The following AP3B1 variants were observed in gnomAD, a reference collection of about 807,000 sequenced individuals.
AP3B1 encodes the protein adaptor related protein complex 3 subunit beta 1, also known as AP-3 complex subunit beta-1.
In AP3B1, 61 loss-of-function variants were observed where a neutral mutation model predicts 132.5. That is an observed-to-expected ratio of 0.46 (90% confidence interval 0.37 to 0.57). The LOEUF (loss-of-function observed/expected upper bound fraction) is 0.57, where lower values mean the gene tolerates loss of function less well. AP3B1 is among the 20% of genes least tolerant of loss of function. The probability of loss-of-function intolerance (pLI) is 0.00; values close to 1 mark genes in which losing one functional copy is unlikely to be tolerated. For missense variants in AP3B1, 1,120 were observed against 1,289.4 expected (o/e 0.87, Z 2.01); for synonymous variants, 388 against 438.3 (o/e 0.89, Z 1.43).
chr5:78,058,239 C>T (rs1340024921), intron 22 of AP3B1, among the ~76,000 whole-genome samples: 2 of 152,140 alleles, frequency 1.3e-5, no homozygotes, highest in Admixed American at 6.5e-5. Flanking sequence ...CAGTGGCTCA[C>T]GCCTGTAATC....
At chr5:78,102,709 G>A (rs948320333) in intron 20 of AP3B1, among the ~76,000 whole-genome samples, 1 of 152,072 alleles carries the variant, frequency 6.6e-6, no homozygotes, top group South Asian at 2.1e-4. Flanking sequence ...AGCACAATGG[G>A]TGTAGCTTCC....
At chr5:78,061,634 C>T (rs913367722) in intron 22 of AP3B1, among the ~76,000 whole-genome samples, 1 of 152,172 alleles carries the variant, frequency 6.6e-6, no homozygotes, top group East Asian at 1.9e-4. Flanking sequence ...TAATTTCAAA[C>T]TCATATTTAG....
At chr5:78,123,908 T>C (rs1372843329) in intron 17 of AP3B1, among the ~76,000 whole-genome samples, 2 of 152,214 alleles carry the variant, frequency 1.3e-5, no homozygotes, top group Non-Finnish European at 1.5e-5. Flanking sequence ...TGTATGTTTA[T>C]TGCGGCACTA....
At chr5:78,193,791 T>C (rs1184310961) in intron 7 of AP3B1, among the ~76,000 whole-genome samples, 20 of 143,644 alleles carry the variant, frequency 1.4e-4, no homozygotes, top group African/African-American at 4.7e-4. Context: ...AGACAGAGTC[T>C]CGCTCTGTCA....
chr5:78,081,073 G>A (rs1047007670), intron 22 of AP3B1, among the ~76,000 whole-genome samples: 2 of 152,112 alleles, frequency 1.3e-5, no homozygotes, highest in Non-Finnish European at 2.9e-5. Context: ...GGGTACTCTT[G>A]AGTTATTATT....
At chr5:78,008,009 C>T (rs145589408) in intron 26 of AP3B1, among the ~76,000 whole-genome samples, 197 of 152,262 alleles carry the variant, frequency 1.3e-3, no homozygotes, top group East Asian at 7.1e-3. Flanking sequence ...CTCTCTAGTT[C>T]CTACTCTAAT....
intron 17 of AP3B1, among the ~76,000 whole-genome samples, chr5:78,117,578 G>A (rs1751912628): frequency 6.6e-6 from 1 of 152,076 alleles, no homozygotes; most frequent in Non-Finnish European, 1.5e-5. Flanking sequence ...CCAAAGTGCT[G>A]GGATTACAGG....
chr5:78,089,067 T>C (rs1477354957), intron 22 of AP3B1: 1 of 189,678 alleles, frequency 5.3e-6, no homozygotes, highest in Admixed American at 5.5e-5. Context: ...TGAAAGTCTG[T>C]TAATGTAGAC....
intron 21 of AP3B1, among the ~76,000 whole-genome samples, chr5:78,094,325 C>T (rs1190823230): frequency 1.3e-5 from 2 of 151,812 alleles, no homozygotes; most frequent in Admixed American, 1.3e-4. Flanking sequence ...GTTAACTGAC[C>T]CCCATGAAAA....
At chr5:78,294,236 A>G (rs937350448) in intron 1 of AP3B1, among the ~76,000 whole-genome samples, 2 of 152,064 alleles carry the variant, frequency 1.3e-5, no homozygotes, top group Non-Finnish European at 2.9e-5. Flanking sequence ...AAGTTTGAAA[A>G]CTACTAGAGA....
chr5:78,140,725 C>T (rs1753110539), intron 15 of AP3B1, among the ~76,000 whole-genome samples: 1 of 152,198 alleles, frequency 6.6e-6, no homozygotes, highest in Admixed American at 6.5e-5. Context: ...CCATTCTGGA[C>T]TCACCTTCAA....
At chr5:78,194,648 G>A (rs1745005768) in intron 7 of AP3B1, among the ~76,000 whole-genome samples, 1 of 152,112 alleles carries the variant, frequency 6.6e-6, no homozygotes, top group Non-Finnish European at 1.5e-5. Flanking sequence ...TAGAGCTAAG[G>A]CAGTTAAAAC....
At chr5:78,210,000 T>G (rs886988912) in intron 7 of AP3B1, among the ~76,000 whole-genome samples, 4 of 152,160 alleles carry the variant, frequency 2.6e-5, no homozygotes, top group African/African-American at 9.7e-5. Context: ...GAGGAGACAT[T>G]ATTTCAATAT....
At chr5:78,102,118 T>G (rs1336352024) in intron 20 of AP3B1, among the ~76,000 whole-genome samples, 1 of 152,126 alleles carries the variant, frequency 6.6e-6, no homozygotes, top group East Asian at 1.9e-4. Flanking sequence ...TTATTGCTAA[T>G]GTGCTAATAA....
At chr5:78,063,530 TC>T (rs1749149470) in intron 22 of AP3B1, among the ~76,000 whole-genome samples, 1 of 152,258 alleles carries the variant, frequency 6.6e-6, no homozygotes, top group Non-Finnish European at 1.5e-5. Context: ...ACAATTATTT[TC>T]TTTACATCTA....
intron 24 of AP3B1, among the ~76,000 whole-genome samples, chr5:78,024,355 C>T (rs764057668): frequency 6.6e-6 from 1 of 151,972 alleles, no homozygotes; most frequent in Non-Finnish European, 1.5e-5. Flanking sequence ...GGCAAAAACC[C>T]TATTAATTAT....
chr5:78,137,886 T>C (rs1444582103), intron 15 of AP3B1, among the ~76,000 whole-genome samples: 1 of 152,178 alleles, frequency 6.6e-6, no homozygotes, highest in Non-Finnish European at 1.5e-5. Flanking sequence ...ACATTCTCTA[T>C]AACCCTAAAT....
chr5:78,130,585 GCTGGTTCAAGTACAGGTAAGAAAATTT>G, intron 15 of AP3B1, among the ~76,000 whole-genome samples: 1 of 152,154 alleles, frequency 6.6e-6, no homozygotes, highest in East Asian at 1.9e-4. Flanking sequence ...GCTAGACCAT[GCTGGTTCAAGTACAGGTAAGAAAATTT>G]CTATGATTCA....
chr5:78,111,681 C>A (rs1175850800), intron 19 of AP3B1, among the ~76,000 whole-genome samples: 1 of 152,092 alleles, frequency 6.6e-6, no homozygotes, highest in African/African-American at 2.4e-5. Context: ...CAGGGGATGA[C>A]AAATGCCTTG....
Sources: allele counts gnomAD v4.1 joint callset (sites outside exome capture counted in the v4.1 genomes callset), GRCh38; gene constraint gnomAD v4.1.1; transcripts MANE v1.5; gene names NCBI Gene and HGNC (gene_info 2026-07-23, HGNC 2026-07-21).